Variants in DNAAF2 observed in about 807,000 individuals in gnomAD.
DNAAF2 encodes dynein axonemal assembly factor 2.
Under a neutral mutation model 48.8 loss-of-function variants are expected in DNAAF2, and 58 were observed. That is an observed-to-expected ratio of 1.19 (90% confidence interval 0.96 to 1.48). The LOEUF (loss-of-function observed/expected upper bound fraction) is 1.48, where lower values mean the gene tolerates loss of function less well. Ranked by LOEUF, DNAAF2 falls within the 40% of genes most tolerant of loss-of-function variation. The probability of loss-of-function intolerance (pLI) is 0.00; values close to 1 mark genes in which losing one functional copy is unlikely to be tolerated. For missense variants in DNAAF2, 1,241 were observed against 1,116.1 expected (o/e 1.11, Z -1.59); for synonymous variants, 567 against 481.2 (o/e 1.18, Z -2.33).
intron 2 of DNAAF2, among the ~76,000 whole-genome samples, chr14:49,626,256 G>A (rs1486660713): frequency 6.6e-6 from 1 of 152,144 alleles, no homozygotes; most frequent in Non-Finnish European, 1.5e-5. Flanking sequence ...GGGATGCCAA[G>A]GCAGGCAGAT....
At chr14:49,632,176 ACT>A (rs1389390473) in intron 1 of DNAAF2, among the ~76,000 whole-genome samples, 1 of 152,218 alleles carries the variant, frequency 6.6e-6, no homozygotes, top group Non-Finnish European at 1.5e-5. Flanking sequence ...ATTTACTAAA[ACT>A]GTTACAGGAA....
At position 49,625,519 on chromosome 14, in the gene DNAAF2, T is replaced by C; in HGVS notation, c.*23A>G. The C allele has an allele frequency of 6.9e-7, 1 of 1,441,216 alleles. No individual in the cohort carries two copies. Among genetic ancestry groups the C allele is most frequent in the Non-Finnish European group, 9.2e-7 (1 of 1,088,866 alleles). 89.3% of individuals were successfully genotyped at this position (1,441,216 alleles called of 1,614,324 possible). The stretch of plus-strand genomic sequence containing the variant: ...ACAGGTATTTTTTAACCTTAATATT[T>C]AAAAGTCCAAAATTATATAGAATTA... On this transcript the variant is annotated 3_prime_UTR_variant, in exon 3 of 3. Coordinates refer to ENST00000298292, the MANE Select transcript of DNAAF2 (RefSeq NM_018139.3).
intron 1 of DNAAF2, 107 bp downstream of exon 1, chr14:49,633,180 A>C: frequency 1.5e-6 from 2 of 1,358,332 alleles, no homozygotes; most frequent in South Asian, 2.8e-5. Context: ...TCGGCCTCCC[A>C]AAATGCTGGG....
intron 2 of DNAAF2, among the ~76,000 whole-genome samples, chr14:49,626,799 C>CTT (rs34085502): frequency 0.022 from 1,407 of 63,336 alleles, 66 homozygotes; most frequent in Non-Finnish European, 0.024. Context: ...TGCTGCCAGT[C>CTT]TTTTTTTTTT....
In DNAAF2 at chr14:49,633,505, G is replaced by C. The variant is rs771235915; in HGVS notation, c.1645C>G (p.Gln549Glu). ...TACCAGAGGGGATTCAAATCTCCTTGAAGACTTTGCGGCTGGATCCGAGGC... is the reference window on the plus strand; with the variant it reads ...TACCAGAGGGGATTCAAATCTCCTTCAAGACTTTGCGGCTGGATCCGAGGC... ...QVPRIQPQSLQGDLNPLWYKL... is the reference protein window; with the variant it reads ...QVPRIQPQSLEGDLNPLWYKL... Residue 549 changes from glutamine (Q) to glutamate (E), a missense_variant, in exon 1 of 3, where the codon CAA becomes GAA. By Grantham distance (29) the Gln-to-Glu change is conservative. Transcript: ENST00000298292. 12 of 1,613,942 alleles carry C rather than the reference G, an allele frequency of 7.4e-6. No individual in the cohort carries two copies.
intron 1 of DNAAF2, among the ~76,000 whole-genome samples, chr14:49,630,050 G>A (rs181404320): frequency 1.3e-5 from 2 of 152,114 alleles, no homozygotes; most frequent in Admixed American, 1.3e-4. Flanking sequence ...TAGGCAACAT[G>A]GCAAAACTCA....
chr14:49,625,773 A>C lies in DNAAF2; in HGVS notation c.2283T>G (p.Thr761=). The stretch of plus-strand genomic sequence containing the variant: ...AGTTATCTTTTTCCTCATTTGAACA[A>C]GTAGCACTTTTTTCTTTTATAAATT... ...QSEFIKEKSA[T]CSNEEKDNLN... The change falls in exon 3 of 3, where the codon ACT becomes ACG. Residue 761 remains threonine, a synonymous_variant. Coordinates refer to ENST00000298292, the MANE Select transcript of DNAAF2 (RefSeq NM_018139.3). 1.2e-6 allele frequency: 2 copies of C among 1,609,392 alleles called. No individual in the cohort carries two copies. The highest frequency in any genetic ancestry group is 1.7e-6 in the Non-Finnish European group (2 of 1,178,726).
intron 1 of DNAAF2, 31 bp downstream of exon 1, chr14:49,633,256 C>T (rs145771304): frequency 6.9e-6 from 11 of 1,602,170 alleles, no homozygotes; most frequent in Non-Finnish European, 9.4e-6. Flanking sequence ...TGGGATATTT[C>T]AAATATGAGG....
rs764335300 is a variant in DNAAF2, at chr14:49,625,994, C to T, written c.2062G>A (p.Glu688Lys). The change falls in exon 3 of 3, where the codon GAA becomes AAA. Residue 688 changes from glutamate to lysine, a missense_variant. Physicochemically the swap from Glu to Lys is moderately conservative, Grantham distance 56. Coordinates refer to ENST00000298292, the MANE Select transcript of DNAAF2 (RefSeq NM_018139.3). ...QLQGKEERVN[E>K]ESHLTEKEYI... is the part of the protein sequence containing the mutation. ...TCCTTTTCAGTTAGATGACTTTCTT[C>T]ATTTACTCTTTCCTCCTTTCCTTGT... 7 of 1,590,334 alleles carry T rather than the reference C, an allele frequency of 4.4e-6. No individual in the cohort carries two copies. The South Asian group carries it at 7.1e-5, about 16-fold the overall frequency.
chr14:49,633,052 G>C (rs945559911), intron 1 of DNAAF2, among the ~76,000 whole-genome samples: 4 of 152,100 alleles, frequency 2.6e-5, no homozygotes, highest in African/African-American at 9.7e-5. Context: ...CTCCCGAGCA[G>C]CTAGGACTAC....
chr14:49,633,762 C>G lies in DNAAF2; in HGVS notation c.1388G>C (p.Gly463Ala). ...GGACAAACAAGGGGAGCCTCCGCCA[C>G]CAGGTGAGTTTTCTCCTCCAGGAGA... ...EPSPGGENSPGGGGSPCLSSR... is the reference protein window; with the variant it reads ...EPSPGGENSPAGGGSPCLSSR... The change falls in exon 1 of 3, where the codon GGT (glycine) becomes GCT (alanine). Residue 463 changes from glycine (G) to alanine (A), a missense_variant. Transcript: ENST00000298292. The G allele has an allele frequency of 1.9e-6, 3 of 1,591,578 alleles. No individual in the cohort carries two copies. Among genetic ancestry groups the G allele is most frequent in the Non-Finnish European group, 8.5e-7 (1 of 1,172,624 alleles).
In DNAAF2 at chr14:49,634,502, C is replaced by T; in HGVS notation, c.648G>A (p.Glu216=). The change falls in exon 1 of 3, where the codon GAG becomes GAA. Residue 216 remains glutamate, a synonymous_variant. Transcript: ENST00000298292. ...GGAAGTCCGGGAGAGGACCCTTCGGCTCCCCGTCAGGCCTTGCGGGGATGA... is the reference window on the plus strand; with the variant it reads ...GGAAGTCCGGGAGAGGACCCTTCGGTTCCCCGTCAGGCCTTGCGGGGATGA... ...PGVIPARPDG[E]PKGPLPDFPY... The T allele has an allele frequency of 1.3e-6, 2 of 1,596,160 alleles. No homozygotes were observed. The highest frequency in any genetic ancestry group is 8.5e-7 in the Non-Finnish European group (1 of 1,177,268).
rs1479569040 is a variant in DNAAF2 at position 49,625,782 on chromosome 14, TTTTTC to T, written c.2269_2273del (p.Glu757LysfsTer7). The stretch of plus-strand genomic sequence containing the variant: ...TTTCCTCATTTGAACAAGTAGCACT[TTTTTC>T]TTTTATAAATTCAGATTGCATTTTT... On this transcript the variant is annotated frameshift_variant, in exon 3 of 3. Coordinates refer to ENST00000298292, the MANE Select transcript of DNAAF2 (RefSeq NM_018139.3). LOFTEE classifies it high-confidence loss of function. 1 of 1,608,184 alleles carries T rather than the reference TTTTTC, an allele frequency of 6.2e-7. No individual in the cohort carries two copies. The highest frequency in any genetic ancestry group is 8.5e-7 in the Non-Finnish European group (1 of 1,178,338).
At chr14:49,628,516 G>A (rs1883069765) in intron 1 of DNAAF2, among the ~76,000 whole-genome samples, 1 of 151,414 alleles carries the variant, frequency 6.6e-6, no homozygotes, top group African/African-American at 2.4e-5. Flanking sequence ...GTGCAGTGGT[G>A]CAATCTCGGC....
Position 49,634,841 on chromosome 14 carries a change from G to A in DNAAF2, c.309C>T (p.Ser103=), listed in dbSNP as rs1248391381. The A allele has an allele frequency of 6.5e-6, 10 of 1,545,146 alleles. No homozygotes were observed. Among genetic ancestry groups the A allele is most frequent in the African/African-American group, 1.4e-5 (1 of 73,028 alleles). Residue 103 remains serine, a synonymous_variant, in exon 1 of 3, where the codon AGC becomes AGT. Coordinates refer to ENST00000298292, the MANE Select transcript of DNAAF2 (RefSeq NM_018139.3). The part of the protein sequence containing the change: ...CSNALVGAPS[S]RPGSGGDRGA... ...CCCGGTCGCCACCGGAGCCGGGCCGGCTGCTGGGCGCGCCCACCAACGCGT... is the reference window on the plus strand; with the variant it reads ...CCCGGTCGCCACCGGAGCCGGGCCGACTGCTGGGCGCGCCCACCAACGCGT...
In DNAAF2 at chr14:49,633,598, C is replaced by T. The variant is rs145008882; in HGVS notation, c.1552G>A (p.Gly518Arg). 40 of 1,613,758 alleles carry T rather than the reference C, an allele frequency of 2.5e-5. No individual in the cohort carries two copies. The African/African-American group carries it at 4.8e-4, about 19-fold the overall frequency. The change falls in exon 1 of 3, where the codon GGG becomes AGG. Residue 518 changes from glycine to arginine, a missense_variant. Coordinates refer to ENST00000298292, the MANE Select transcript of DNAAF2 (RefSeq NM_018139.3). ...AGTAACGGAGGACACAAAGGCTCCC[C>T]GCTCTTGGTCCCGGGACCACCCATG... is the stretch of plus-strand genomic sequence containing the variant. ...CAMGGPGTKS[G>R]EPLCPPLLCN...
chr14:49,625,851 A>T lies in DNAAF2; in HGVS notation c.2205T>A (p.Val735=), dbSNP rs750136915. ...VTCFQQESLD[V]SQMILGKSQQ... is the part of the protein sequence containing the mutation. ...GAGATTTTCCAAGTATCATTTGAGA[A>T]ACATCAAGAGACTCTTGTTGAAAGC... is the stretch of plus-strand genomic sequence containing the variant. Residue 735 remains valine, a synonymous_variant, in exon 3 of 3, where the codon GTT becomes GTA. Coordinates refer to ENST00000298292, the MANE Select transcript of DNAAF2 (RefSeq NM_018139.3). The T allele has an allele frequency of 1.4e-5, 23 of 1,610,270 alleles. No individual in the cohort carries two copies. Among genetic ancestry groups the T allele is most frequent in the Non-Finnish European group, 1.8e-5 (21 of 1,178,996 alleles).
At position 49,633,796 on chromosome 14, in the gene DNAAF2, C is replaced by A; in HGVS notation, c.1354G>T (p.Glu452Ter). ...TTTTCTCCTCCAGGAGATGGCTCCT[C>A]CACGCTGCCCGGCGGTGACCCCGCG... is the stretch of plus-strand genomic sequence containing the variant. ...RHAGSPPGSV[E>*]EPSPGGENSP... The change falls in exon 1 of 3, where the codon GAG becomes TAG. Residue 452 changes from glutamate (E) to a stop codon, truncating the protein, a stop_gained. Transcript: ENST00000298292. LOFTEE classifies it high-confidence loss of function. 1 of 1,590,942 alleles carries A rather than the reference C, an allele frequency of 6.3e-7. No homozygotes were observed.
rs886038645 is a variant in DNAAF2 at position 49,633,851 on chromosome 14, G to A, written c.1299C>T (p.Pro433=). 1.3e-6 allele frequency: 2 copies of A among 1,557,298 alleles called. No homozygotes were observed. The highest frequency in any genetic ancestry group is 1.7e-6 in the Non-Finnish European group (2 of 1,159,168). ...TGCTCAAGTCCTGCTCCCCCGGCTT[G>A]GGGACACGCTCCTCTCCAGCTGCGG... The part of the protein sequence containing the change: ...PPAAAGEERV[P]KPGEQDLSRH... Residue 433 remains proline (P), a synonymous_variant, in exon 1 of 3, where the codon CCC becomes CCT. Transcript: ENST00000298292.
Sources: gnomAD v4.1 joint callset for allele counts (sites outside exome capture counted in the v4.1 genomes callset) on GRCh38, gnomAD v4.1.1 for gene constraint, MANE v1.5 for transcripts, NCBI Gene and HGNC (gene_info 2026-07-23, HGNC 2026-07-21) for gene names.